Variants in TUSC3 observed in about 807,000 individuals in gnomAD.
TUSC3 encodes dolichyl-diphosphooligosaccharide--protein glycosyltransferase subunit TUSC3.
TUSC3 carries 45 observed loss-of-function variants against 44.8 expected under a neutral mutation model. That is an observed-to-expected ratio of 1.00 (90% confidence interval 0.79 to 1.29). TUSC3 has a LOEUF of 1.29. Among genes scored for constraint, TUSC3 ranks in the 50% most tolerant of loss-of-function variants. TUSC3 has a pLI of 0.00. For missense variants in TUSC3, 519 were observed against 437.9 expected (o/e 1.19, Z -1.65); for synonymous variants, 212 against 152.9 (o/e 1.39, Z -2.85).
chr8:15,640,442 C>T (rs1049965070), intron 2 of TUSC3, among the ~76,000 whole-genome samples: 6 of 152,192 alleles, frequency 3.9e-5, no homozygotes, highest in Non-Finnish European at 7.3e-5. Flanking sequence ...TAGTGAATCA[C>T]CAAACGTGGT....
At chr8:15,522,482 C>T (rs1034481228) in intron 2 of TUSC3, among the ~76,000 whole-genome samples, 14 of 151,740 alleles carry the variant, frequency 9.2e-5, no homozygotes, top group African/African-American at 3.1e-4. Context: ...ATCCACCCGC[C>T]TTGGCCTCCC....
the TUSC3 span, among the ~76,000 whole-genome samples, chr8:15,843,621 T>TATATACACACACACAC: frequency 2.0e-5 from 3 of 146,734 alleles, no homozygotes; most frequent in African/African-American, 7.9e-5. Flanking sequence ...TATATATATA[T>TATATACACACACACAC]ACACGCACAT....
intron 1 of TUSC3, among the ~76,000 whole-genome samples, chr8:15,470,151 T>G (rs982561920): frequency 6.6e-6 from 1 of 151,326 alleles, no homozygotes; most frequent in Non-Finnish European, 1.5e-5. Flanking sequence ...AGTGCGTGCC[T>G]GTAGTCCCAG....
In TUSC3 at chr8:15,523,639, CATATATATATATATAT is replaced by C. The variant is rs151223991; in HGVS notation, n.189+40167_189+40182del. Among the ~76,000 whole-genome samples the C allele has an allele frequency of 2.0e-3, 126 of 63,704 alleles. 1 individual carries two copies. Among genetic ancestry groups the C allele is most frequent in the African/African-American group, 8.0e-3 (114 of 14,336 alleles). The allele number at this position is 63,704 out of a possible 152,430, so 41.8% of individuals were successfully genotyped here. A position where few individuals can be genotyped will look rare whatever the true frequency, so the allele number is the denominator to read the frequency against. On this transcript the variant is annotated intron_variant and non_coding_transcript_variant, in intron 2 of 5. Coordinates refer to the TUSC3 transcript ENST00000503191. ...AATTGGCTTAAAAATCCTTTAAAAA[CATATATATATATATAT>C]ATATATATATGTGTGTGTGTGTGTG...
chr8:15,738,827 C>CTTTTTTTTTCTTTCTTTTT (rs1554484836), intron 7 of TUSC3, among the ~76,000 whole-genome samples: 6 of 87,172 alleles, frequency 6.9e-5, no homozygotes, highest in African/African-American at 9.7e-5. Flanking sequence ...ATATATCTTG[C>CTTTTTTTTTCTTTCTTTTT]TTTTTTTTTT....
At chr8:15,609,184 C>T (rs777877573) in intron 1 of TUSC3, among the ~76,000 whole-genome samples, 13 of 152,006 alleles carry the variant, frequency 8.6e-5, no homozygotes, top group South Asian at 2.1e-4. Flanking sequence ...AGTATAGTTA[C>T]GGTTTTGTTT....
chr8:15,583,547 G>A (rs944621694), intron 1 of TUSC3, among the ~76,000 whole-genome samples: 1 of 152,146 alleles, frequency 6.6e-6, no homozygotes, highest in South Asian at 2.1e-4. Context: ...GCTCCAGAGA[G>A]CAAAACTAGA....
chr8:15,685,934 G>A (rs544854523), intron 6 of TUSC3, among the ~76,000 whole-genome samples: 3 of 147,866 alleles, frequency 2.0e-5, no homozygotes, highest in African/African-American at 7.5e-5. Context: ...AATCAAACAT[G>A]TCTAGGAAAA....
chr8:15,532,864 C>T (rs905391522), intron 2 of TUSC3, among the ~76,000 whole-genome samples: 49 of 152,276 alleles, frequency 3.2e-4, no homozygotes, highest in African/African-American at 9.4e-4. Flanking sequence ...ACGATCTCCG[C>T]TCACTGCAAC....
chr8:15,514,480 C>G (rs1332889234), intron 2 of TUSC3, among the ~76,000 whole-genome samples: 1 of 151,920 alleles, frequency 6.6e-6, no homozygotes, highest in African/African-American at 2.4e-5. Context: ...GTATAAAAAC[C>G]AAAAATAGAA....
chr8:15,679,083 T>C (rs995172770), intron 6 of TUSC3, among the ~76,000 whole-genome samples: 1 of 152,312 alleles, frequency 6.6e-6, no homozygotes, highest in Admixed American at 6.5e-5. Context: ...ACATGTGTCT[T>C]TTTGGTAGAA....
chr8:15,549,186 A>G (rs1041781594), intron 1 of TUSC3, among the ~76,000 whole-genome samples: 1 of 151,548 alleles, frequency 6.6e-6, no homozygotes, highest in Non-Finnish European at 1.5e-5. Flanking sequence ...ATTTTATTTT[A>G]TTTTTTGAGA....
chr8:15,546,344 A>G (rs749824252), intron 1 of TUSC3, among the ~76,000 whole-genome samples: 6 of 151,764 alleles, frequency 4.0e-5, no homozygotes, highest in Non-Finnish European at 8.8e-5. Flanking sequence ...TGCCGGTATA[A>G]TACAGCTTTG....
intron 1 of TUSC3, among the ~76,000 whole-genome samples, chr8:15,541,060 T>G (rs1801673518): frequency 6.6e-6 from 1 of 152,216 alleles, no homozygotes; most frequent in Non-Finnish European, 1.5e-5. Context: ...TGTATACTTG[T>G]GAGAATAAGC....
At chr8:15,728,469 G>A (rs1479027488) in intron 6 of TUSC3, among the ~76,000 whole-genome samples, 1 of 143,976 alleles carries the variant, frequency 6.9e-6, no homozygotes, top group Admixed American at 6.9e-5. Context: ...AGGGAGGGAG[G>A]GAGGGAGGAG....
At chr8:15,545,950 A>G (rs1299410254) in intron 1 of TUSC3, among the ~76,000 whole-genome samples, 1 of 151,716 alleles carries the variant, frequency 6.6e-6, no homozygotes, top group Non-Finnish European at 1.5e-5. Context: ...CAGACTATAA[A>G]TTGCTCATCT....
At chr8:15,658,301 T>C (rs758043299) in intron 3 of TUSC3, among the ~76,000 whole-genome samples, 4 of 152,090 alleles carry the variant, frequency 2.6e-5, no homozygotes, top group Non-Finnish European at 5.9e-5. Flanking sequence ...TTGTGCTAAG[T>C]TGTGTGAAGC....
At chr8:15,573,166 C>CTCTT (rs1466225868) in intron 1 of TUSC3, among the ~76,000 whole-genome samples, 4 of 101,588 alleles carry the variant, frequency 3.9e-5, no homozygotes, top group African/African-American at 1.6e-4. Context: ...TGTTCTCTCT[C>CTCTT]TTTCTCTCTC....
intron 2 of TUSC3, among the ~76,000 whole-genome samples, chr8:15,631,598 C>A (rs1321229417): frequency 6.6e-6 from 1 of 151,784 alleles, no homozygotes; most frequent in African/African-American, 2.4e-5. Context: ...AAAAAACTAC[C>A]TATGAGTTAC....
Sources: allele counts gnomAD v4.1 joint callset (sites outside exome capture counted in the v4.1 genomes callset), GRCh38; gene constraint gnomAD v4.1.1; transcripts MANE v1.5; gene names NCBI Gene and HGNC (gene_info 2026-07-23, HGNC 2026-07-21).